Variants in RB1CC1 observed in about 807,000 individuals in gnomAD.
RB1CC1 encodes RB1 inducible coiled-coil 1, also known as RB1-inducible coiled-coil protein 1.
In RB1CC1, 46 loss-of-function variants were observed where a neutral mutation model predicts 177.5. That is an observed-to-expected ratio of 0.26 (90% CI 0.20 to 0.33). The LOEUF (loss-of-function observed/expected upper bound fraction) is 0.33, where lower values mean the gene tolerates loss of function less well. Ranked by LOEUF, RB1CC1 falls within the 10% of genes least tolerant of loss-of-function variation. The pLI, the probability that RB1CC1 is intolerant of heterozygous loss-of-function variation, is 1.00. For synonymous variants in RB1CC1, 666 were observed against 613.6 expected, an observed-to-expected ratio of 1.09 and a Z score of -1.26; for missense variants, 1,703 against 1,816.3, an observed-to-expected ratio of 0.94 and a Z score of 1.13.
chr8:52,649,129 A>ACTAGTCGCC (rs1472427906), intron 15 of RB1CC1, among the ~76,000 whole-genome samples: 4 of 152,216 alleles, frequency 2.6e-5, no homozygotes, highest in African/African-American at 9.7e-5. Context: ...ATAAAACGAA[A>ACTAGTCGCC]CTAGACAAGA....
chr8:52,671,645 T>A (rs1394543239), intron 7 of RB1CC1, among the ~76,000 whole-genome samples: 1 of 152,228 alleles, frequency 6.6e-6, no homozygotes, highest in East Asian at 1.9e-4. Flanking sequence ...CTTTGTAAAA[T>A]ATAAATAAAT....
chr8:52,658,603 TAA>T (rs1851308401), intron 13 of RB1CC1, among the ~76,000 whole-genome samples: 1 of 113,520 alleles, frequency 8.8e-6, no homozygotes, highest in African/African-American at 3.2e-5. Context: ...AAAAAAAAAG[TAA>T]AAAGTCAGAA....
chr8:52,629,535 CAGGCCATGACAAA>C (rs1848617026), intron 21 of RB1CC1, among the ~76,000 whole-genome samples: 1 of 152,154 alleles, frequency 6.6e-6, no homozygotes, highest in African/African-American at 2.4e-5. Context: ...AAGACCGGTT[CAGGCCATGACAAA>C]AGGCAGGGGT....
intron 15 of RB1CC1, among the ~76,000 whole-genome samples, chr8:52,654,324 A>C (rs542946591): frequency 3.3e-5 from 5 of 152,214 alleles, no homozygotes; most frequent in African/African-American, 1.2e-4. Context: ...AACATTTCCC[A>C]AAATCCCAGG....
At chr8:52,669,499 T>G (rs377470921) in intron 7 of RB1CC1, among the ~76,000 whole-genome samples, 2 of 152,306 alleles carry the variant, frequency 1.3e-5, no homozygotes, top group East Asian at 3.9e-4. Context: ...GCAATTAAAC[T>G]AAACTATTTT....
intron 22 of RB1CC1, among the ~76,000 whole-genome samples, chr8:52,627,320 C>T (rs919406968): frequency 1.3e-5 from 2 of 152,166 alleles, no homozygotes; most frequent in Non-Finnish European, 2.9e-5. Flanking sequence ...GCACTCCAGC[C>T]TAGGCGACAG....
chr8:52,653,749 A>G (rs959359203), intron 15 of RB1CC1, among the ~76,000 whole-genome samples: 2 of 152,232 alleles, frequency 1.3e-5, no homozygotes, highest in Non-Finnish European at 2.9e-5. Context: ...CATTATATTT[A>G]CCAGCTGAAT....
intron 1 of RB1CC1, among the ~76,000 whole-genome samples, chr8:52,688,821 G>C (rs145233640): frequency 1.3e-5 from 2 of 152,050 alleles, no homozygotes; most frequent in Admixed American, 1.3e-4. Context: ...TGTCGCCCCC[G>C]GCGGCCCAGC....
At chr8:52,670,556 T>C (rs1006998585) in intron 7 of RB1CC1, among the ~76,000 whole-genome samples, 2 of 152,238 alleles carry the variant, frequency 1.3e-5, no homozygotes, top group Admixed American at 6.5e-5. Flanking sequence ...CTGAAAGAAA[T>C]GCTAAAGCTC....
intron 1 of RB1CC1, among the ~76,000 whole-genome samples, chr8:52,696,610 T>A (rs570192865): frequency 1.3e-5 from 2 of 151,954 alleles, no homozygotes; most frequent in East Asian, 3.9e-4. Flanking sequence ...ATAATGATAC[T>A]CAAAAAAACA....
chr8:52,680,994 G>GT (rs1554548481), intron 5 of RB1CC1, among the ~76,000 whole-genome samples: 32,640 of 128,406 alleles, frequency 0.25, 4,876 homozygotes, highest in South Asian at 0.35. Flanking sequence ...GTGTGTGTGT[G>GT]TTTTTTTTTT....
intron 1 of RB1CC1, among the ~76,000 whole-genome samples, chr8:52,701,197 A>T (rs1321101824): frequency 6.6e-6 from 1 of 151,370 alleles, no homozygotes; most frequent in African/African-American, 2.4e-5. Context: ...ATCTCAGCTC[A>T]CTGCAACCTC....
At chr8:52,661,324 TACTA>T (rs1433716945) in intron 9 of RB1CC1, 43 bp from the exon 10 acceptor site, 1 of 1,597,704 alleles carries the variant, frequency 6.3e-7, no homozygotes, top group African/African-American at 1.4e-5. Context: ...ACAAAACTGG[TACTA>T]ACTTAGTTAC....
chr8:52,688,818 C>G (rs778959950), intron 1 of RB1CC1, among the ~76,000 whole-genome samples: 45 of 152,232 alleles, frequency 3.0e-4, no homozygotes, highest in Middle Eastern at 3.4e-3. Context: ...TGATGTCGCC[C>G]CCGGCGGCCC....
chr8:52,630,633 G>C, intron 20 of RB1CC1, 105 bp from the exon 21 acceptor site: 1 of 1,112,510 alleles, frequency 9.0e-7, no homozygotes, highest in East Asian at 3.0e-5. Flanking sequence ...CCTGTGTCCA[G>C]CTTTAAAGAG....
chr8:52,712,579 T>C (rs1304846857), intron 1 of RB1CC1, among the ~76,000 whole-genome samples: 2 of 150,152 alleles, frequency 1.3e-5, no homozygotes, highest in African/African-American at 4.9e-5. Context: ...ATATAAAGGA[T>C]TAGGTACATA....
intron 1 of RB1CC1, among the ~76,000 whole-genome samples, chr8:52,694,194 C>T (rs896789650): frequency 2.6e-5 from 4 of 152,186 alleles, no homozygotes; most frequent in Admixed American, 6.5e-5. Context: ...GGAACTCCAC[C>T]CTACTGCTGG....
At chr8:52,642,916 G>A in intron 16 of RB1CC1, 104 bp from the exon 17 acceptor site, 1 of 1,184,732 alleles carries the variant, frequency 8.4e-7, no homozygotes. Context: ...ATTTGTACAT[G>A]GAGATGATGG....
chr8:52,685,524 G>A lies in RB1CC1; in HGVS notation c.-51-4C>T, dbSNP rs1854195099. 9.2e-7 allele frequency: 1 copy of A among 1,088,372 alleles called. No homozygotes were observed. The highest frequency in any genetic ancestry group is 1.6e-5 in the African/African-American group (1 of 63,414). 67.4% of individuals were successfully genotyped at this position (1,088,372 alleles called of 1,614,324 possible). ...ACCTCACCCTCTGATACAGTTACTA[G>A]AAGAAACAAGAGAAGTGATCAATTT... is the stretch of plus-strand genomic sequence containing the variant. On this transcript the variant is annotated splice_region_variant and splice_polypyrimidine_tract_variant and intron_variant, in intron 2 of 23. Coordinates refer to ENST00000025008, the MANE Select transcript of RB1CC1 (RefSeq NM_014781.5).
Sources: gnomAD v4.1 joint callset for allele counts (sites outside exome capture counted in the v4.1 genomes callset) on GRCh38, gnomAD v4.1.1 for gene constraint, MANE v1.5 for transcripts, NCBI Gene and HGNC (gene_info 2026-07-23, HGNC 2026-07-21) for gene names.